NEMP2: variants seen among roughly 807,000 people sequenced by gnomAD.
NEMP2 encodes the protein UPF0571 transmembrane protein.
Under a neutral mutation model 54.2 loss-of-function variants are expected in NEMP2, and 53 were observed. The ratio of observed to expected loss-of-function variants is 0.98; its 90% CI spans 0.78 to 1.23. NEMP2 has a LOEUF of 1.23. Among genes scored for constraint, NEMP2 ranks in the 50% most tolerant of loss-of-function variants. The pLI, the probability that NEMP2 is intolerant of heterozygous loss-of-function variation, is 0.00. For synonymous variants in NEMP2, 197 were observed against 190.3 expected (o/e 1.04, Z -0.29); for missense variants, 455 against 511.3 (o/e 0.89, Z 1.06).
chr2:190,646,179 C>A, the NEMP2 span, among the ~76,000 whole-genome samples: 1 of 152,248 alleles, frequency 6.6e-6, no homozygotes, highest in Non-Finnish European at 1.5e-5. Flanking sequence ...CACATTCTTA[C>A]ACCTGTCTGG....
At chr2:190,635,603 C>T in the NEMP2 span, among the ~76,000 whole-genome samples, 1 of 152,200 alleles carries the variant, frequency 6.6e-6, no homozygotes, top group Non-Finnish European at 1.5e-5. This position sits in a 1 kb window ranked among gnomAD's most constrained non-coding sequence, Gnocchi z 4.1. Context: ...CATTCATTTT[C>T]AGAGCTATAT....
the NEMP2 span, among the ~76,000 whole-genome samples, chr2:190,443,434 G>C: frequency 2.0e-5 from 3 of 152,144 alleles, no homozygotes; most frequent in African/African-American, 7.2e-5. This position sits in a 1 kb window ranked among gnomAD's most constrained non-coding sequence, Gnocchi z 4.2. Context: ...TAGATTAGGA[G>C]TTCAGCTTAT....
chr2:190,589,618 G>T, the NEMP2 span, among the ~76,000 whole-genome samples: 4 of 152,110 alleles, frequency 2.6e-5, no homozygotes, highest in East Asian at 7.7e-4. This position sits in a 1 kb window ranked among gnomAD's most constrained non-coding sequence, Gnocchi z 4.3. Flanking sequence ...GGGCCTGGTT[G>T]GTTCAATTAA....
the NEMP2 span, among the ~76,000 whole-genome samples, chr2:190,586,383 C>A: frequency 1.3e-5 from 2 of 151,922 alleles, no homozygotes; most frequent in Non-Finnish European, 2.9e-5. The surrounding 1 kb of genome is among the most constrained non-coding windows in gnomAD (Gnocchi z 4.5). Flanking sequence ...ATTTGCAAGA[C>A]CTGCATTCTC....
the NEMP2 span, chr2:190,640,903 G>A: frequency 2.1e-5 from 3 of 142,250 alleles, no homozygotes; most frequent in South Asian, 6.7e-4. Flanking sequence ...GTGTGCTGGG[G>A]TAGTTTTTGA....
At chr2:190,621,148 A>G in the NEMP2 span, among the ~76,000 whole-genome samples, 1 of 152,260 alleles carries the variant, frequency 6.6e-6, no homozygotes, top group Non-Finnish European at 1.5e-5. Flanking sequence ...ATGGGATTAT[A>G]TTCTGAGAAA....
At chr2:190,460,716 A>G in the NEMP2 span, among the ~76,000 whole-genome samples, 2 of 152,236 alleles carry the variant, frequency 1.3e-5, no homozygotes, top group African/African-American at 4.8e-5. Context: ...TGGACCAGGC[A>G]TGAGATGGAG....
chr2:190,459,490 A>G, the NEMP2 span, among the ~76,000 whole-genome samples: 4 of 152,200 alleles, frequency 2.6e-5, no homozygotes, highest in Admixed American at 1.3e-4. This position sits in a 1 kb window ranked among gnomAD's most constrained non-coding sequence, Gnocchi z 5.3. Context: ...GTGTGTGTGA[A>G]TATGTTCAGT....
the NEMP2 span, among the ~76,000 whole-genome samples, chr2:190,618,286 G>C: frequency 1.3e-5 from 2 of 152,130 alleles, no homozygotes; most frequent in African/African-American, 4.8e-5. Context: ...CCTTTGCCAG[G>C]TGTTCTAAGC....
the NEMP2 span, chr2:190,568,212 C>T: frequency 2.0e-5 from 3 of 152,134 alleles, no homozygotes; most frequent in African/African-American, 7.2e-5. This position sits in a 1 kb window ranked among gnomAD's most constrained non-coding sequence, Gnocchi z 4.7. Flanking sequence ...GTGATTTGAG[C>T]ATAGCAGCTC....
chr2:190,599,458 C>A, the NEMP2 span, among the ~76,000 whole-genome samples: 1,231 of 152,286 alleles, frequency 8.1e-3, 11 homozygotes, highest in South Asian at 0.044. Flanking sequence ...AAAATATATA[C>A]TTTCTGGCCT....
rs994605957 is a variant in NEMP2, at chr2:190,522,397, T to A, written c.213+2866A>T. On this transcript the variant is annotated intron_variant, in intron 2 of 8. Transcript: ENST00000409150. The surrounding 1 kb of genome is among the most constrained non-coding windows in gnomAD (Gnocchi z 5.0). ...AATTAAAAATTAAGAAGGTTTTTTTTAAAAAAACAAAATCTCACTTAAAAA... is the reference window on the plus strand; with the variant it reads ...AATTAAAAATTAAGAAGGTTTTTTTAAAAAAAACAAAATCTCACTTAAAAA... 1.3e-5 allele frequency among the ~76,000 whole-genome samples: 2 copies of A among 151,952 alleles called. No individual in the cohort carries two copies.
At chr2:190,618,642 C>T in the NEMP2 span, among the ~76,000 whole-genome samples, 4 of 152,184 alleles carry the variant, frequency 2.6e-5, no homozygotes, top group Admixed American at 6.5e-5. Flanking sequence ...TACAGTGGCA[C>T]GATTATAGCT....
chr2:190,520,896 C>T lies in NEMP2; in HGVS notation c.214-1713G>A, dbSNP rs1690730447. 6.6e-6 allele frequency among the ~76,000 whole-genome samples: 1 copy of T among 152,180 alleles called. No homozygotes were observed. The highest frequency in any genetic ancestry group is 1.5e-5 in the Non-Finnish European group (1 of 68,046). ...CTGCTCCTTACCCTCCTAATATCCT[C>T]AATCTCTTTTTAGCCACCTAAACTC... On this transcript the variant is annotated intron_variant, in intron 2 of 8. Coordinates refer to ENST00000409150, the MANE Select transcript of NEMP2 (RefSeq NM_001142645.2). The surrounding 1 kb of genome is among the most constrained non-coding windows in gnomAD (Gnocchi z 5.4).
At chr2:190,501,685 T>C (rs1321313143), downstream of NEMP2, 1 of 152,586 alleles carries the variant, frequency 6.6e-6, no homozygotes, top group African/African-American at 2.4e-5. Flanking sequence ...TGCCCAATAC[T>C]GCATTTGGGA....
the NEMP2 span, among the ~76,000 whole-genome samples, chr2:190,604,007 T>C: frequency 6.6e-6 from 1 of 152,252 alleles, no homozygotes; most frequent in East Asian, 1.9e-4. This position sits in a 1 kb window ranked among gnomAD's most constrained non-coding sequence, Gnocchi z 4.5. Context: ...TTTTACTTAA[T>C]GAACTGATTA....
the NEMP2 span, among the ~76,000 whole-genome samples, chr2:190,468,274 A>C: frequency 6.6e-6 from 1 of 152,118 alleles, no homozygotes; most frequent in Admixed American, 6.5e-5. Flanking sequence ...TTCACTGAGA[A>C]TCTGCTAAAT....
chr2:190,614,282 A>G, the NEMP2 span, among the ~76,000 whole-genome samples: 1 of 152,180 alleles, frequency 6.6e-6, no homozygotes, highest in Non-Finnish European at 1.5e-5. This position sits in a 1 kb window ranked among gnomAD's most constrained non-coding sequence, Gnocchi z 5.7. Flanking sequence ...CTTTTTTTCC[A>G]AACAAAGTCA....
chr2:190,594,135 T>C, the NEMP2 span, among the ~76,000 whole-genome samples: 2 of 152,206 alleles, frequency 1.3e-5, no homozygotes, highest in African/African-American at 4.8e-5. This position sits in a 1 kb window ranked among gnomAD's most constrained non-coding sequence, Gnocchi z 5.6. Flanking sequence ...TCCCTGAATA[T>C]AGTGAGCTTG....
Sources: gnomAD v4.1 joint callset for allele counts (sites outside exome capture counted in the v4.1 genomes callset) on GRCh38, gnomAD v4.1.1 for gene constraint, Gnocchi (gnomAD v3.1) non-coding constraint, MANE v1.5 for transcripts, NCBI Gene and HGNC (gene_info 2026-07-23, HGNC 2026-07-21) for gene names.